Variants in NBPF20 observed in about 807,000 individuals in gnomAD.
The protein encoded by NBPF20 is NBPF member 20, also known as NBPF family member NBPF20.
A neutral mutation model predicts 68.1 loss-of-function variants in NBPF20; 90 were observed. The observed-to-expected ratio is 1.32, with a 90% CI of 1.11 to 1.58. The LOEUF (loss-of-function observed/expected upper bound fraction) is 1.58. Among genes scored for constraint, NBPF20 ranks in the 40% most tolerant of loss-of-function variants. The pLI is 0.00. For missense variants in NBPF20, 816 were observed against 601.2 expected, an observed-to-expected ratio of 1.36 and a Z score of -3.74; for synonymous variants, 290 against 228.1, an observed-to-expected ratio of 1.27 and a Z score of -2.45.
At chr1:145,338,111 C>G (rs1233555199) in intron 79 of NBPF20, among the ~76,000 whole-genome samples, 4 of 49,746 alleles carry the variant, frequency 8.0e-5, no homozygotes, top group Middle Eastern at 0.015. Context: ...GAGGGAGTAA[C>G]AGGACACTCT....
intron 3 of NBPF20, among the ~76,000 whole-genome samples, chr1:145,402,951 T>C (rs1662595006): frequency 6.6e-6 from 1 of 151,576 alleles, no homozygotes; most frequent in South Asian, 2.1e-4. Flanking sequence ...TTCACACTCC[T>C]TTGGTTAATT....
At chr1:145,402,359 C>T (rs1326166781) in exon 4 of NBPF20, 83 of 1,603,856 alleles carry the variant, frequency 5.2e-5, no homozygotes, top group African/African-American at 8.0e-5. Flanking sequence ...CGTTCCTGAG[C>T]GTGAACCAGG....
At chr1:145,419,321 T>C in the NBPF20 span, among the ~76,000 whole-genome samples, 1 of 152,136 alleles carries the variant, frequency 6.6e-6, no homozygotes, top group Non-Finnish European at 1.5e-5. Flanking sequence ...TATTTTCCAT[T>C]AACAGGAACA....
upstream of NBPF20, among the ~76,000 whole-genome samples, chr1:145,408,620 A>G (rs1228251388): frequency 1.3e-5 from 2 of 151,722 alleles, no homozygotes; most frequent in Non-Finnish European, 2.9e-5. Context: ...ATTTTCAAAT[A>G]CATTTTGAAA....
the NBPF20 span, among the ~76,000 whole-genome samples, chr1:145,422,939 G>A: frequency 1.4e-5 from 2 of 142,110 alleles, no homozygotes; most frequent in Non-Finnish European, 3.0e-5. Context: ...AGTGAGCTGA[G>A]ATCCTGCCAC....
chr1:145,401,902 C>T (rs1440342032), intron 4 of NBPF20, among the ~76,000 whole-genome samples: 11 of 64,100 alleles, frequency 1.7e-4, no homozygotes, highest in Admixed American at 7.2e-4. Context: ...CAGCCTCCTT[C>T]CTGTCCTTTA....
At position 145,291,774 on chromosome 1, in the gene NBPF20, A is replaced by T. The variant is rs1661115128; in HGVS notation, c.16698-5T>A. ...TCCATCAGCACGCCGTTGAGCCTGG[A>T]AAAGGAGACAAAACTAAAGAAGCAG... On this transcript the variant is annotated splice_polypyrimidine_tract_variant and splice_region_variant and intron_variant, in intron 137 of 137. Transcript: ENST00000369373. 3.7e-6 allele frequency: 6 copies of T among 1,611,998 alleles called. No individual in the cohort carries two copies. Among genetic ancestry groups the T allele is most frequent in the African/African-American group, 1.3e-5 (1 of 74,944 alleles).
At chr1:145,400,991 A>G in intron 5 of NBPF20, 68 bp downstream of exon 10, 4 of 1,530,072 alleles carry the variant, frequency 2.6e-6, no homozygotes, top group Non-Finnish European at 3.6e-6. Context: ...GATGCCAGAG[A>G]GGGTGTGCCT....
In NBPF20 at chr1:145,291,739, C is replaced by A. The variant is rs374505350; in HGVS notation, c.16728G>T (p.Glu5576Asp). 8 of 1,611,822 alleles carry A rather than the reference C, an allele frequency of 5.0e-6. No homozygotes were observed. The Admixed American group carries it at 5.0e-5, about 10-fold the overall frequency. The change falls in exon 138 of 138, where the codon GAG becomes GAT. Residue 5576 changes from glutamate to aspartate, a missense_variant. Glu to Asp is a conservative substitution (Grantham distance 45). Coordinates refer to ENST00000369373, the Ensembl canonical transcript of NBPF20. The stretch of plus-strand genomic sequence containing the variant: ...CCAGTGAGTCCTGTAAGACTTCAGG[C>A]TCTTCCACTTCCATCAGCACGCCGT...
At chr1:145,352,370 G>A (rs1452344685) in intron 61 of NBPF20, among the ~76,000 whole-genome samples, 2 of 63,830 alleles carry the variant, frequency 3.1e-5, no homozygotes, top group South Asian at 7.0e-4. Flanking sequence ...TCAGTGAATT[G>A]TCCAGGTGAC....
At chr1:145,292,006 T>A (rs1461503910) in intron 137 of NBPF20, among the ~76,000 whole-genome samples, 2 of 149,482 alleles carry the variant, frequency 1.3e-5, no homozygotes, top group Non-Finnish European at 2.9e-5. Context: ...GAAAGTGACC[T>A]AGTGAATTGC....
At chr1:145,291,456 T>A in exon 138 of NBPF20, 1 of 1,611,914 alleles carries the variant, frequency 6.2e-7, no homozygotes, top group East Asian at 2.2e-5. Flanking sequence ...AACTGTACTT[T>A]CATTCAAATC....
In NBPF20 at chr1:145,292,357, G is replaced by C. The variant is rs782701121; in HGVS notation, c.16697+24C>G. ...CCTCCAGGTGTTAACACAGAATTAAGCATCCACAATTGCTGAAAGTCACCT... is the reference window on the plus strand; with the variant it reads ...CCTCCAGGTGTTAACACAGAATTAACCATCCACAATTGCTGAAAGTCACCT... On this transcript the variant is annotated intron_variant, in intron 137 of 137. Transcript: ENST00000369373. 4 of 665,568 alleles carry C rather than the reference G, an allele frequency of 6.0e-6. 1 individual carries two copies. The highest frequency in any genetic ancestry group is 4.6e-5 in the Admixed American group (2 of 43,624). The allele number at this position is 665,568 out of a possible 1,614,324, so 41.2% of individuals were successfully genotyped here. A position where few individuals can be genotyped will look rare whatever the true frequency, so the allele number is the denominator to read the frequency against.
intron 9 of NBPF20, chr1:145,393,670 T>C (rs1391900215): frequency 8.0e-5 from 108 of 1,343,314 alleles, no homozygotes; most frequent in Non-Finnish European, 1.0e-4. Flanking sequence ...TTTTGAGTTA[T>C]GGTCAACTTT....
At chr1:145,424,690 G>A in the NBPF20 span, among the ~76,000 whole-genome samples, 2 of 152,196 alleles carry the variant, frequency 1.3e-5, no homozygotes, top group African/African-American at 2.4e-5. Flanking sequence ...CGCCAAATGA[G>A]AAGATCTAAC....
chr1:145,393,925 C>G (rs1381430165), exon 9 of NBPF20: 11 of 1,397,288 alleles, frequency 7.9e-6, no homozygotes, highest in Non-Finnish European at 1.1e-5. Context: ...TCACTTGATC[C>G]CACCGATGTC....
At chr1:145,395,770 A>T (rs1662205627) in intron 7 of NBPF20, among the ~76,000 whole-genome samples, 1 of 148,766 alleles carries the variant, frequency 6.7e-6, no homozygotes, top group African/African-American at 2.6e-5. Flanking sequence ...CCTGACTGTT[A>T]GAAGGAAAAC....
chr1:145,292,326 C>T, intron 137 of NBPF20, 55 bp downstream of exon 142: 2 of 637,074 alleles, frequency 3.1e-6, no homozygotes, highest in South Asian at 3.7e-5. Flanking sequence ...TTCCCTGAAT[C>T]TGTTGCCTCC....
chr1:145,417,242 G>A, the NBPF20 span, among the ~76,000 whole-genome samples: 1 of 151,502 alleles, frequency 6.6e-6, no homozygotes, highest in East Asian at 1.9e-4. Context: ...AACTAGTGGT[G>A]CTAGAACAGC....
Sources: allele counts gnomAD v4.1 joint callset (sites outside exome capture counted in the v4.1 genomes callset), GRCh38; gene constraint gnomAD v4.1.1; transcripts MANE v1.5; gene names NCBI Gene and HGNC (gene_info 2026-07-23, HGNC 2026-07-21).